ZNF780B: variants seen among roughly 807,000 people sequenced by gnomAD.
ZNF780B encodes the protein zinc finger protein 779.
Under a neutral mutation model 74.1 loss-of-function variants are expected in ZNF780B, and 52 were observed. The ratio of observed to expected loss-of-function variants is 0.70; its 90% CI spans 0.56 to 0.88. ZNF780B has a LOEUF of 0.88. Among genes scored for constraint, ZNF780B ranks in the 40% least tolerant of loss-of-function variants. The pLI, the probability that ZNF780B is intolerant of heterozygous loss-of-function variation, is 0.00. For synonymous variants in ZNF780B, 315 were observed against 324.3 expected, an observed-to-expected ratio of 0.97 and a Z score of 0.31; for missense variants, 953 against 1,007.6, an observed-to-expected ratio of 0.95 and a Z score of 0.73.
chr19:40,045,252 G>A (rs1246709052), intron 4 of ZNF780B, among the ~76,000 whole-genome samples: 2 of 152,046 alleles, frequency 1.3e-5, no homozygotes, highest in African/African-American at 4.8e-5. Flanking sequence ...TAATCACTGG[G>A]GACGTCACTG....
Position 40,033,306 on chromosome 19 carries a change from C to T in ZNF780B, c.*1051G>A, listed in dbSNP as rs969239899. On this transcript the variant is annotated 3_prime_UTR_variant, in exon 5 of 5. Transcript: ENST00000434248. ...TTATTCACTGCAAGGTTGCTGCAAA[C>T]CTTCAGTGTGTATAAAATGCAGTAA... is the stretch of plus-strand genomic sequence containing the variant. 6.5e-6 allele frequency: 1 copy of T among 154,974 alleles called. No homozygotes were observed. The highest frequency in any genetic ancestry group is 1.5e-5 in the Non-Finnish European group (1 of 68,254). 9.6% of individuals were successfully genotyped at this position (154,974 alleles called of 1,614,324 possible).
chr19:40,055,576 A>G (rs1236716603), intron 1 of ZNF780B: 1 of 152,024 alleles, frequency 6.6e-6, no homozygotes, highest in Non-Finnish European at 1.5e-5. Flanking sequence ...AACTTCCCTC[A>G]CTTCGTACGA....
chr19:40,047,420 C>T lies in ZNF780B; in HGVS notation c.187G>A (p.Glu63Lys). 6.2e-7 allele frequency: 1 copy of T among 1,613,960 alleles called. No homozygotes were observed. Among genetic ancestry groups the T allele is most frequent in the Non-Finnish European group, 8.5e-7 (1 of 1,179,914 alleles). ...DVITLLEQEK[E>K]PWIVVSKETS... ...TCTTTACTTACAACAATCCAGGGCT[C>T]TTTCTCTTGCTCTAGTAATGTAATC... The change falls in exon 4 of 5, where the codon GAG becomes AAG. Residue 63 changes from glutamate to lysine, a missense_variant. By Grantham distance (56) the Glu-to-Lys change is moderately conservative. Coordinates refer to ENST00000434248, the MANE Select transcript of ZNF780B (RefSeq NM_001005851.3).
chr19:40,028,986 A>G lies in ZNF780B; in HGVS notation c.*5371T>C, dbSNP rs1375095852. 1.3e-5 allele frequency: 2 copies of G among 152,254 alleles called. No homozygotes were observed. The highest frequency in any genetic ancestry group is 2.9e-5 in the Non-Finnish European group (2 of 68,042). 9.4% of individuals were successfully genotyped at this position (152,254 alleles called of 1,614,324 possible). On this transcript the variant is annotated 3_prime_UTR_variant, in exon 5 of 5. Transcript: ENST00000434248. ...TCTAGATAGTCACAGCCAACTATCA[A>G]TAAAAATTACTGGTTCTATAATCAT...
At chr19:40,052,164 G>A (rs547618758) in intron 1 of ZNF780B, among the ~76,000 whole-genome samples, 1 of 152,092 alleles carries the variant, frequency 6.6e-6, no homozygotes, top group South Asian at 2.1e-4. Context: ...TTTGATTCTA[G>A]ACTAAGGTTT....
Position 40,035,555 on chromosome 19 carries a change from T to G in ZNF780B, c.1304A>C (p.His435Pro), listed in dbSNP as rs558483797. 6.2e-7 allele frequency: 1 copy of G among 1,613,432 alleles called. No homozygotes were observed. The highest frequency in any genetic ancestry group is 1.1e-5 in the South Asian group (1 of 91,050). ...TTTCTCATTGGAATGAATTTTTTGATGCTGAATAAGATTTGCACCACGATT... is the reference window on the plus strand; with the variant it reads ...TTTCTCATTGGAATGAATTTTTTGAGGCTGAATAAGATTTGCACCACGATT... ...GFNRGANLIQ[H>P]QKIHSNEKPF... The change falls in exon 5 of 5, where the codon CAT becomes CCT. Residue 435 changes from histidine (H) to proline (P), a missense_variant. Physicochemically the swap from His to Pro is moderately conservative, Grantham distance 77 (BLOSUM62 -2). Transcript: ENST00000434248.
At chr19:40,040,354 T>C (rs1599774590) in intron 4 of ZNF780B, among the ~76,000 whole-genome samples, 1 of 152,350 alleles carries the variant, frequency 6.6e-6, no homozygotes, top group South Asian at 2.1e-4. Flanking sequence ...TCATGAAGGA[T>C]ATTCGTCTAA....
chr19:40,037,143 A>G (rs994585665), intron 4 of ZNF780B, among the ~76,000 whole-genome samples: 2 of 151,962 alleles, frequency 1.3e-5, no homozygotes, highest in African/African-American at 4.8e-5. Context: ...TGGAATGCCT[A>G]ACATCAGGTG....
At chr19:40,036,725 TTC>T in intron 4 of ZNF780B, 99 bp from the exon 5 acceptor site, 1 of 721,766 alleles carries the variant, frequency 1.4e-6, no homozygotes. Flanking sequence ...ATATAATACT[TTC>T]AGGGAAGGGA....
Position 40,031,170 on chromosome 19 carries a change from T to G in ZNF780B, c.*3187A>C, listed in dbSNP as rs971639451. 1 of 152,232 alleles carries G rather than the reference T, an allele frequency of 6.6e-6. No individual in the cohort carries two copies. Among genetic ancestry groups the G allele is most frequent in the African/African-American group, 2.4e-5 (1 of 41,466 alleles). 9.4% of individuals were successfully genotyped at this position (152,232 alleles called of 1,614,324 possible). A position where few individuals can be genotyped will look rare whatever the true frequency, so the allele number is the denominator to read the frequency against. On this transcript the variant is annotated 3_prime_UTR_variant, in exon 5 of 5. Coordinates refer to ENST00000434248, the MANE Select transcript of ZNF780B (RefSeq NM_001005851.3). ...GAATAAAATCACAAAGGATTATTCT[T>G]AATCTTAAAAAAAATTTAATCTAAT...
At chr19:40,043,294 G>T (rs560382056) in intron 4 of ZNF780B, among the ~76,000 whole-genome samples, 130 of 152,310 alleles carry the variant, frequency 8.5e-4, no homozygotes, top group African/African-American at 2.9e-3. Context: ...TGTCTCAGAG[G>T]AGTACCCGGC....
Position 40,033,950 on chromosome 19 carries a change from T to C in ZNF780B, c.*407A>G, listed in dbSNP as rs202133049. 2.4e-5 allele frequency: 6 copies of C among 249,418 alleles called. No homozygotes were observed. The highest frequency in any genetic ancestry group is 3.2e-5 in the Non-Finnish European group (4 of 125,370). 15.5% of individuals were successfully genotyped at this position (249,418 alleles called of 1,614,324 possible). A position where few individuals can be genotyped will look rare whatever the true frequency, so the allele number is the denominator to read the frequency against. On this transcript the variant is annotated 3_prime_UTR_variant, in exon 5 of 5. Coordinates refer to ENST00000434248, the MANE Select transcript of ZNF780B (RefSeq NM_001005851.3). ...TACATTCATACGGTTCATACCAGTA[T>C]GAATTCTTTGATGTGCAGTAAAGAC...
In ZNF780B at chr19:40,031,973, A is replaced by G. The variant is rs1972023305; in HGVS notation, c.*2384T>C. The G allele has an allele frequency of 6.9e-6, 3 of 437,786 alleles. No homozygotes were observed. The highest frequency in any genetic ancestry group is 4.8e-5 in the South Asian group (3 of 62,120). The allele number at this position is 437,786 out of a possible 1,614,324, so 27.1% of individuals were successfully genotyped here. On this transcript the variant is annotated 3_prime_UTR_variant, in exon 5 of 5. Transcript: ENST00000434248. ...TACTTAAATGTTTTCTGACAGTACA[A>G]TATGACATAGAAATAACCTACAAAG... is the stretch of plus-strand genomic sequence containing the variant.
chr19:40,050,369 G>C lies in ZNF780B; in HGVS notation c.-37C>G. 1 of 1,586,908 alleles carries C rather than the reference G, an allele frequency of 6.3e-7. No homozygotes were observed. The highest frequency in any genetic ancestry group is 8.5e-7 in the Non-Finnish European group (1 of 1,172,668). The stretch of plus-strand genomic sequence containing the variant: ...TACAAAATTGGTCAATCTTCCTCGG[G>C]CTTCTCCCCTGGAAAACAACAACAA... On this transcript the variant is annotated 5_prime_UTR_variant, in exon 2 of 5. Transcript: ENST00000434248.
chr19:40,036,496 G>C lies in ZNF780B; in HGVS notation c.363C>G (p.Asp121Glu). 6.2e-7 allele frequency: 1 copy of C among 1,610,010 alleles called. No individual in the cohort carries two copies. Among genetic ancestry groups the C allele is most frequent in the Non-Finnish European group, 8.5e-7 (1 of 1,178,680 alleles). ...CCTCAAATCTACTTCTATATTCTGA[G>C]TCATTTCTAAAATAAAAGGCCTCGA... is the stretch of plus-strand genomic sequence containing the variant. The part of the protein sequence containing the change: ...LGLEAFYFRN[D>E]SEYRSRFEGR... The change falls in exon 5 of 5, where the codon GAC becomes GAG. Residue 121 changes from aspartate to glutamate, a missense_variant. Coordinates refer to ENST00000434248, the MANE Select transcript of ZNF780B (RefSeq NM_001005851.3).
At chr19:40,054,773 A>T (rs1355508739) in intron 1 of ZNF780B, among the ~76,000 whole-genome samples, 1 of 152,358 alleles carries the variant, frequency 6.6e-6, no homozygotes, top group East Asian at 1.9e-4. Context: ...TGAGAAGACC[A>T]GAAACGGACA....
intron 4 of ZNF780B, among the ~76,000 whole-genome samples, 174 bp from the exon 5 acceptor site, chr19:40,036,800 C>G (rs1972349308): frequency 6.6e-6 from 1 of 151,924 alleles, no homozygotes; most frequent in Non-Finnish European, 1.5e-5. Context: ...CATAAGGGAA[C>G]AGGTTAACTT....
intron 1 of ZNF780B, among the ~76,000 whole-genome samples, chr19:40,050,846 G>A (rs1332368140): frequency 2.0e-5 from 3 of 152,226 alleles, no homozygotes; most frequent in African/African-American, 7.2e-5. Context: ...GAACTGGAAA[G>A]GATATAGACA....
At chr19:40,053,000 C>T (rs543910649) in intron 1 of ZNF780B, among the ~76,000 whole-genome samples, 97 of 151,956 alleles carry the variant, frequency 6.4e-4, no homozygotes, top group African/African-American at 2.1e-3. Flanking sequence ...AAAAAACGTA[C>T]GGGGAAAGCT....
Sources: gnomAD v4.1 joint callset for allele counts (sites outside exome capture counted in the v4.1 genomes callset) on GRCh38, gnomAD v4.1.1 for gene constraint, MANE v1.5 for transcripts, NCBI Gene and HGNC (gene_info 2026-07-23, HGNC 2026-07-21) for gene names.